SUDS3: variants seen among roughly 807,000 people sequenced by gnomAD.
The protein encoded by SUDS3 is SIN3A corepressor complex component SDS3, also known as sin3 histone deacetylase corepressor complex component SDS3.
SUDS3 carries 23 observed loss-of-function variants against 53.5 expected under a neutral mutation model. The observed-to-expected ratio is 0.43, with a 90% CI of 0.31 to 0.61. SUDS3 has a LOEUF of 0.61. SUDS3 is among the 20% of genes least tolerant of loss of function. The probability of loss-of-function intolerance (pLI) is 0.10; values close to 1 mark genes in which losing one functional copy is unlikely to be tolerated. For synonymous variants in SUDS3, 150 were observed against 148.5 expected, an observed-to-expected ratio of 1.01 and a Z score of -0.08; for missense variants, 291 against 405.9, an observed-to-expected ratio of 0.72 and a Z score of 2.43.
At chr12:118,387,071 C>T (rs1329236652) in intron 4 of SUDS3, among the ~76,000 whole-genome samples, 1 of 152,188 alleles carries the variant, frequency 6.6e-6, no homozygotes, top group African/African-American at 2.4e-5. Context: ...TCCAACGCTT[C>T]ACTGTGTCTC....
chr12:118,393,033 G>A (rs2046181843), intron 6 of SUDS3, among the ~76,000 whole-genome samples: 1 of 152,198 alleles, frequency 6.6e-6, no homozygotes, highest in Non-Finnish European at 1.5e-5. Context: ...AGCTAGCCAT[G>A]GGCATTAAAG....
At position 118,403,402 on chromosome 12, in the gene SUDS3, T is replaced by C. The variant is rs1357390434; in HGVS notation, c.698-10T>C. On this transcript the variant is annotated splice_polypyrimidine_tract_variant and intron_variant, in intron 9 of 11. Transcript: ENST00000543473. ...ACATTCTTAGTCACGTAAGTATTGG[T>C]TTCCTCCAGCATCTCCATCCTCTCC... is the stretch of plus-strand genomic sequence containing the variant. The C allele has an allele frequency of 3.1e-6, 5 of 1,610,584 alleles. No homozygotes were observed. Among genetic ancestry groups the C allele is most frequent in the Non-Finnish European group, 4.2e-6 (5 of 1,177,898 alleles).
At chr12:118,386,242 C>G (rs375990465) in intron 4 of SUDS3, 57 bp downstream of exon 4, 1 of 1,392,374 alleles carries the variant, frequency 7.2e-7, no homozygotes, top group Non-Finnish European at 1.0e-6. Context: ...ATTTGCCGAT[C>G]GTCGGTGTAA....
At chr12:118,406,595 A>G (rs946768842) in intron 10 of SUDS3, among the ~76,000 whole-genome samples, 2 of 152,148 alleles carry the variant, frequency 1.3e-5, no homozygotes, top group African/African-American at 2.4e-5. Context: ...CAGAATTTCC[A>G]TTAGTTACAA....
At chr12:118,406,992 G>C (rs1170493085) in intron 10 of SUDS3, among the ~76,000 whole-genome samples, 9 of 151,574 alleles carry the variant, frequency 5.9e-5, no homozygotes, top group African/African-American at 2.2e-4. Flanking sequence ...GATCCCCCTG[G>C]CTCAAGCGAT....
intron 2 of SUDS3, among the ~76,000 whole-genome samples, chr12:118,381,105 T>A (rs1206584817): frequency 1.3e-5 from 2 of 152,210 alleles, no homozygotes; most frequent in Admixed American, 6.5e-5. Context: ...CTCACTGCAC[T>A]AATGTGCTAG....
intron 10 of SUDS3, among the ~76,000 whole-genome samples, chr12:118,405,181 A>C (rs1016486887): frequency 6.6e-6 from 1 of 152,254 alleles, no homozygotes; most frequent in Non-Finnish European, 1.5e-5. Context: ...ATGAAAACCA[A>C]ATAACCTTTA....
At chr12:118,381,719 C>T (rs370708153) in intron 2 of SUDS3, among the ~76,000 whole-genome samples, 37 of 152,216 alleles carry the variant, frequency 2.4e-4, no homozygotes, top group Non-Finnish European at 4.7e-4. Flanking sequence ...GCTCTGTCCA[C>T]GTTTGCACCT....
At chr12:118,388,436 CT>C (rs770465849) in intron 4 of SUDS3, among the ~76,000 whole-genome samples, 1 of 152,166 alleles carries the variant, frequency 6.6e-6, no homozygotes, top group Non-Finnish European at 1.5e-5. Context: ...GCACAGCCCC[CT>C]GTCACCCAGG....
At chr12:118,409,221 T>C (rs1351593344) in intron 10 of SUDS3, among the ~76,000 whole-genome samples, 2 of 152,098 alleles carry the variant, frequency 1.3e-5, no homozygotes, top group South Asian at 4.2e-4. Context: ...GATCTTGGCT[T>C]GCTGCAAGCT....
At chr12:118,390,930 C>A in intron 5 of SUDS3, 196 bp from the exon 6 acceptor site, 2 of 692,488 alleles carry the variant, frequency 2.9e-6, no homozygotes, top group Non-Finnish European at 5.3e-6. Context: ...GAGGTGTACT[C>A]AAAAATAAGC....
chr12:118,383,909 A>T, intron 2 of SUDS3, 103 bp from the exon 3 acceptor site: 1 of 1,027,300 alleles, frequency 9.7e-7, no homozygotes, highest in Non-Finnish European at 1.5e-6. Context: ...GAAGGACATT[A>T]ATGACCTTCC....
chr12:118,409,060 C>T (rs577630556), intron 10 of SUDS3, among the ~76,000 whole-genome samples: 2 of 152,214 alleles, frequency 1.3e-5, no homozygotes, highest in African/African-American at 4.8e-5. Flanking sequence ...ATGAAGGTCC[C>T]CTGCCAGTTT....
chr12:118,383,105 C>T (rs1008559818), intron 2 of SUDS3, among the ~76,000 whole-genome samples: 3 of 152,208 alleles, frequency 2.0e-5, no homozygotes, highest in Non-Finnish European at 2.9e-5. Flanking sequence ...TGCCTACTCT[C>T]CTCCCCTTAC....
At chr12:118,377,395 G>A (rs541159912) in intron 1 of SUDS3, among the ~76,000 whole-genome samples, 1 of 152,244 alleles carries the variant, frequency 6.6e-6, no homozygotes, top group South Asian at 2.1e-4. Flanking sequence ...AACTGTAATG[G>A]AGCTGTTTAA....
At chr12:118,392,442 ATCTC>A (rs1327943139) in intron 6 of SUDS3, among the ~76,000 whole-genome samples, 1 of 151,962 alleles carries the variant, frequency 6.6e-6, no homozygotes, top group Non-Finnish European at 1.5e-5. Context: ...CTTTTGAAAA[ATCTC>A]TCTTCTGTTA....
At chr12:118,401,846 T>C (rs769966124) in intron 8 of SUDS3, 26 bp downstream of exon 8, 2 of 1,611,574 alleles carry the variant, frequency 1.2e-6, no homozygotes, top group South Asian at 2.2e-5. Flanking sequence ...TTTGATTTAT[T>C]TGAAAACTCA....
intron 2 of SUDS3, 32 bp from the exon 3 acceptor site, chr12:118,383,980 T>A (rs547860080): frequency 6.3e-7 from 1 of 1,595,144 alleles, no homozygotes; most frequent in East Asian, 2.2e-5. Context: ...TGAATGTTTT[T>A]ATCTGTTAGT....
chr12:118,380,340 C>A lies in SUDS3; in HGVS notation c.212+109C>A, dbSNP rs1385832267. The A allele has an allele frequency of 4.2e-6, 4 of 945,894 alleles. No individual in the cohort carries two copies. The East Asian group carries it at 1.1e-4, about 25-fold the overall frequency. 58.6% of individuals were successfully genotyped at this position (945,894 alleles called of 1,614,324 possible). A position where few individuals can be genotyped will look rare whatever the true frequency, so the allele number is the denominator to read the frequency against. ...CAGATGCTCCAAAATCTAAAACTTC[C>A]TGAGTGCCAGCATGATGCTCAAAGG... On this transcript the variant is annotated intron_variant, in intron 2 of 11. Transcript: ENST00000543473.
Sources: allele counts gnomAD v4.1 joint callset (sites outside exome capture counted in the v4.1 genomes callset), GRCh38; gene constraint gnomAD v4.1.1; transcripts MANE v1.5; gene names NCBI Gene and HGNC (gene_info 2026-07-23, HGNC 2026-07-21).